ARL15: variants seen among roughly 807,000 people sequenced by gnomAD.
ARL15 encodes the protein ARF like GTPase 15.
In ARL15, 19 loss-of-function variants were observed where a neutral mutation model predicts 25.2. That is an observed-to-expected ratio of 0.75 (90% confidence interval 0.53 to 1.10). ARL15 has a LOEUF of 1.10. ARL15 is among the 50% of genes least tolerant of loss of function. The pLI, the probability that ARL15 is intolerant of heterozygous loss-of-function variation, is 0.00. For missense variants in ARL15, 220 were observed against 246.0 expected, an observed-to-expected ratio of 0.89 and a Z score of 0.71; for synonymous variants, 94 against 86.8, an observed-to-expected ratio of 1.08 and a Z score of -0.46.
At chr5:54,218,929 A>G (rs1756294717) in intron 1 of ARL15, among the ~76,000 whole-genome samples, 1 of 151,844 alleles carries the variant, frequency 6.6e-6, no homozygotes, top group Non-Finnish European at 1.5e-5. Flanking sequence ...AATGTAAAAT[A>G]TATATATAAT....
At chr5:54,208,672 T>C (rs1405694852) in intron 1 of ARL15, among the ~76,000 whole-genome samples, 1 of 152,190 alleles carries the variant, frequency 6.6e-6, no homozygotes, top group Admixed American at 6.5e-5. Flanking sequence ...CCATCAGTCA[T>C]GAGTCCAATA....
intron 4 of ARL15, among the ~76,000 whole-genome samples, chr5:53,956,047 T>C (rs151118351): frequency 2.0e-5 from 3 of 152,028 alleles, no homozygotes; most frequent in Admixed American, 6.6e-5. Flanking sequence ...CTATATATAC[T>C]AGAGAATTTA....
At chr5:53,984,166 C>T (rs1748215079) in intron 4 of ARL15, among the ~76,000 whole-genome samples, 2 of 152,200 alleles carry the variant, frequency 1.3e-5, no homozygotes. Context: ...GGACTCATAT[C>T]ATGGACTCAT....
intron 4 of ARL15, among the ~76,000 whole-genome samples, chr5:53,988,389 A>G (rs1032681122): frequency 6.6e-6 from 1 of 152,022 alleles, no homozygotes. Flanking sequence ...CTACATGGAC[A>G]ATAGCCCCCA....
At chr5:54,172,756 T>C (rs1336026495) in intron 1 of ARL15, among the ~76,000 whole-genome samples, 1 of 152,214 alleles carries the variant, frequency 6.6e-6, no homozygotes, top group Non-Finnish European at 1.5e-5. Flanking sequence ...GAAAACTCCT[T>C]GTTCTGGTCT....
At chr5:54,099,800 A>G (rs767726141) in intron 4 of ARL15, among the ~76,000 whole-genome samples, 4 of 152,134 alleles carry the variant, frequency 2.6e-5, no homozygotes, top group Non-Finnish European at 4.4e-5. Context: ...ACCATTCACT[A>G]CAAGGTAGGT....
At chr5:54,074,087 G>T (rs539198758) in intron 4 of ARL15, among the ~76,000 whole-genome samples, 25 of 152,266 alleles carry the variant, frequency 1.6e-4, no homozygotes, top group African/African-American at 4.8e-4. Context: ...CTTTCTTCTA[G>T]CTCACCCATT....
chr5:53,991,763 C>T (rs1331643493), intron 4 of ARL15, among the ~76,000 whole-genome samples: 3 of 151,968 alleles, frequency 2.0e-5, no homozygotes, highest in South Asian at 2.1e-4. Flanking sequence ...GAATCTCCCA[C>T]GTAGTGGGAG....
chr5:53,947,351 T>C (rs1721394900), intron 4 of ARL15, among the ~76,000 whole-genome samples: 1 of 151,732 alleles, frequency 6.6e-6, no homozygotes, highest in South Asian at 2.1e-4. Context: ...TGGAAAGAGA[T>C]AAAAACACTT....
chr5:54,035,952 T>C (rs1020154685), intron 4 of ARL15, among the ~76,000 whole-genome samples: 14 of 152,030 alleles, frequency 9.2e-5, no homozygotes, highest in African/African-American at 3.4e-4. Context: ...GCTAGGACAT[T>C]GATATCAGCC....
intron 4 of ARL15, among the ~76,000 whole-genome samples, chr5:54,088,078 G>A (rs448666): frequency 0.087 from 13,178 of 152,216 alleles, 675 homozygotes; most frequent in South Asian, 0.12. Context: ...ACTATCCATT[G>A]AAATTTTCCT....
At chr5:54,087,192 G>C (rs1201119908) in intron 4 of ARL15, among the ~76,000 whole-genome samples, 3 of 152,154 alleles carry the variant, frequency 2.0e-5, no homozygotes, top group Non-Finnish European at 2.9e-5. Context: ...GCCAGGCGTG[G>C]TGGCAGGTGC....
chr5:54,269,695 GA>G (rs1757729286), intron 1 of ARL15, among the ~76,000 whole-genome samples: 1 of 152,108 alleles, frequency 6.6e-6, no homozygotes, highest in South Asian at 2.1e-4. Context: ...GCCTGGGCTG[GA>G]GTGCGGTGGC....
At chr5:54,063,276 G>A (rs760705065) in intron 4 of ARL15, among the ~76,000 whole-genome samples, 8 of 152,198 alleles carry the variant, frequency 5.3e-5, no homozygotes, top group African/African-American at 1.7e-4. Context: ...CTTGATAGAC[G>A]TTTCCTAGGA....
intron 4 of ARL15, among the ~76,000 whole-genome samples, chr5:53,926,370 T>A (rs1746022806): frequency 6.6e-6 from 1 of 151,256 alleles, no homozygotes; most frequent in South Asian, 2.1e-4. Flanking sequence ...GGCTGTCTAG[T>A]GGGAAGATGA....
Position 54,157,721 on chromosome 5 carries a change from A to G in ARL15, c.194-3082T>C, listed in dbSNP as rs1207354131. Among the ~76,000 whole-genome samples, 3 of 152,250 alleles carry G rather than the reference A, an allele frequency of 2.0e-5. No individual in the cohort carries two copies. The East Asian group carries it at 5.8e-4, about 29-fold the overall frequency. On this transcript the variant is annotated intron_variant, in intron 2 of 4. Transcript: ENST00000504924. ...CCTCCGCACCCAGCCCCCTAACAAT[A>G]TTATTTATAGGCATATAAATGTCCC...
intron 4 of ARL15, among the ~76,000 whole-genome samples, chr5:54,045,410 C>A (rs1750474338): frequency 2.0e-5 from 3 of 152,126 alleles, no homozygotes; most frequent in Admixed American, 1.3e-4. Context: ...CTCCAAAATT[C>A]TCCTAAAGAT....
intron 4 of ARL15, among the ~76,000 whole-genome samples, chr5:54,021,534 G>C (rs1461906441): frequency 6.6e-6 from 1 of 152,108 alleles, no homozygotes; most frequent in Non-Finnish European, 1.5e-5. Context: ...AAAAGAATCA[G>C]CGTACCTGAA....
chr5:53,928,615 C>A (rs1746104977), intron 4 of ARL15, among the ~76,000 whole-genome samples: 1 of 152,050 alleles, frequency 6.6e-6, no homozygotes, highest in African/African-American at 2.4e-5. Flanking sequence ...ATAATCATTC[C>A]CCCTCCCCTA....
Sources: allele counts gnomAD v4.1 joint callset (sites outside exome capture counted in the v4.1 genomes callset), GRCh38; gene constraint gnomAD v4.1.1; transcripts MANE v1.5; gene names NCBI Gene and HGNC (gene_info 2026-07-23, HGNC 2026-07-21).